The following ABCC4 variants were observed in gnomAD, a reference collection of about 807,000 sequenced individuals.
The protein encoded by ABCC4 is ATP binding cassette subfamily C member 4 (PEL blood group).
A neutral mutation model predicts 168.5 loss-of-function variants in ABCC4; 102 were observed. The ratio of observed to expected loss-of-function variants is 0.61; its 90% CI spans 0.52 to 0.71. The LOEUF is 0.71. Among genes scored for constraint, ABCC4 ranks in the 30% least tolerant of loss-of-function variants. The pLI, the probability that ABCC4 is intolerant of heterozygous loss-of-function variation, is 0.00. For missense variants in ABCC4, 1,402 were observed against 1,605.8 expected, an observed-to-expected ratio of 0.87 and a Z score of 2.17; for synonymous variants, 617 against 590.7, an observed-to-expected ratio of 1.04 and a Z score of -0.65.
intron 18 of ABCC4, among the ~76,000 whole-genome samples, 169 bp downstream of exon 18, chr13:95,162,953 T>C (rs893484501): frequency 6.6e-6 from 1 of 152,198 alleles, no homozygotes; most frequent in African/African-American, 2.4e-5. Context: ...ACCTCTCTTC[T>C]AGTAGATTTT....
At chr13:95,232,157 G>GGTGGTGGTGGT (rs1566551471) in intron 4 of ABCC4, among the ~76,000 whole-genome samples, 6 of 151,196 alleles carry the variant, frequency 4.0e-5, no homozygotes, top group African/African-American at 9.7e-5. Context: ...TGGTGGTGGT[G>GGTGGTGGTGGT]ATGATGATGA....
At chr13:95,041,692 AC>A (rs202186220) in intron 29 of ABCC4, among the ~76,000 whole-genome samples, 2 of 152,056 alleles carry the variant, frequency 1.3e-5, no homozygotes. Flanking sequence ...AAACAAACAA[AC>A]AAAAAAAACA....
At chr13:95,083,442 T>C in intron 20 of ABCC4, 152 bp from the exon 21 acceptor site, 1 of 862,452 alleles carries the variant, frequency 1.2e-6, no homozygotes, top group African/African-American at 1.7e-5. Flanking sequence ...AACAAAAGTA[T>C]AGGTGGTCCT....
intron 1 of ABCC4, among the ~76,000 whole-genome samples, chr13:95,296,135 AACACACAC>A (rs753316849): frequency 0.012 from 1,148 of 98,942 alleles, 24 homozygotes; most frequent in African/African-American, 0.04. Flanking sequence ...CCTGTCTCAA[AACACACAC>A]ACACACACAC....
chr13:95,194,730 TAAGC>T lies in ABCC4; in HGVS notation c.1263+102_1263+105del, dbSNP rs553566069. On this transcript the variant is annotated intron_variant, in intron 9 of 30. Coordinates refer to ENST00000645237, the MANE Select transcript of ABCC4 (RefSeq NM_005845.5). ...ATCTTTGTAACATAGTTTCAGTAAA[TAAGC>T]AAGCCATATTTTATACCATGTGTAA... 384 of 814,630 alleles carry T rather than the reference TAAGC, an allele frequency of 4.7e-4. 1 individual carries two copies. In the African/African-American group the frequency reaches 6.3e-3, roughly 13 times the overall value. The allele number at this position is 814,630 out of a possible 1,614,324, so 50.5% of individuals were successfully genotyped here.
At chr13:95,026,447 A>G (rs9524766) in intron 30 of ABCC4, among the ~76,000 whole-genome samples, 17,276 of 152,220 alleles carry the variant, frequency 0.11, 1,144 homozygotes, top group Admixed American at 0.17. Flanking sequence ...TACATGATAG[A>G]TATTTGTAAA....
chr13:95,232,367 G>C (rs897857835), intron 4 of ABCC4, among the ~76,000 whole-genome samples: 2 of 152,114 alleles, frequency 1.3e-5, no homozygotes, highest in African/African-American at 4.8e-5. Context: ...GTGACAACGA[G>C]GTCAAAGAAG....
At chr13:95,162,133 C>T (rs145985928) in intron 18 of ABCC4, among the ~76,000 whole-genome samples, 1 of 152,266 alleles carries the variant, frequency 6.6e-6, no homozygotes, top group Non-Finnish European at 1.5e-5. Flanking sequence ...GAAAGCAGCT[C>T]AAATTCCTAA....
intron 8 of ABCC4, among the ~76,000 whole-genome samples, chr13:95,196,346 A>C (rs1208830701): frequency 2.6e-5 from 4 of 152,110 alleles, no homozygotes; most frequent in African/African-American, 9.7e-5. Flanking sequence ...ACATGACTTT[A>C]AGTTCAGCCC....
chr13:95,278,008 G>T (rs1473342282), intron 1 of ABCC4, among the ~76,000 whole-genome samples: 1 of 152,134 alleles, frequency 6.6e-6, no homozygotes, highest in African/African-American at 2.4e-5. Context: ...CCACCAAGGG[G>T]ACTTGCCCCA....
intron 30 of ABCC4, among the ~76,000 whole-genome samples, chr13:95,028,381 T>C (rs1039758072): frequency 7.2e-5 from 11 of 151,970 alleles, no homozygotes; most frequent in African/African-American, 1.2e-4. Context: ...CAAAGAAAAT[T>C]CCAAATGGAT....
chr13:95,269,134 C>T (rs2027445), intron 1 of ABCC4, among the ~76,000 whole-genome samples: 57,528 of 152,026 alleles, frequency 0.38, 12,820 homozygotes, highest in African/African-American at 0.63. Flanking sequence ...AAGTGTAGCA[C>T]TTTCCTGAGT....
chr13:95,030,209 C>T (rs1249864108), intron 30 of ABCC4, among the ~76,000 whole-genome samples: 2 of 152,014 alleles, frequency 1.3e-5, no homozygotes, highest in Non-Finnish European at 2.9e-5. Flanking sequence ...TTAGTAGAGA[C>T]AGGGTTTCAC....
chr13:95,243,516 T>C (rs979521929), intron 3 of ABCC4, among the ~76,000 whole-genome samples: 6 of 152,256 alleles, frequency 3.9e-5, no homozygotes, highest in East Asian at 1.9e-4. Flanking sequence ...AGCGTGGATG[T>C]TGATGAACTT....
intron 13 of ABCC4, among the ~76,000 whole-genome samples, chr13:95,171,970 T>A (rs1274481201): frequency 1.3e-5 from 2 of 152,144 alleles, no homozygotes; most frequent in African/African-American, 4.8e-5. Flanking sequence ...TTGGCTGCCA[T>A]TAGTCCTTTT....
At chr13:95,219,599 G>A (rs921168240) in intron 4 of ABCC4, among the ~76,000 whole-genome samples, 1 of 152,010 alleles carries the variant, frequency 6.6e-6, no homozygotes, top group African/African-American at 2.4e-5. Context: ...TTCCACCTCT[G>A]GGGTCCAAGC....
intron 1 of ABCC4, among the ~76,000 whole-genome samples, chr13:95,259,949 G>A (rs977533893): frequency 8.6e-5 from 13 of 151,904 alleles, no homozygotes; most frequent in South Asian, 6.2e-4. Flanking sequence ...CCCAGCTCAC[G>A]AGACTCATCT....
chr13:95,285,641 G>A (rs144957378), intron 1 of ABCC4, among the ~76,000 whole-genome samples: 2,109 of 152,240 alleles, frequency 0.014, 21 homozygotes, highest in Middle Eastern at 0.024. Context: ...TTTAGCAGCC[G>A]AGCTGAGAGG....
chr13:95,161,475 T>C (rs138122090), intron 18 of ABCC4, 140 bp from the exon 19 acceptor site: 3 of 572,548 alleles, frequency 5.2e-6, no homozygotes, highest in Non-Finnish European at 8.2e-6. Flanking sequence ...AAGTATAATG[T>C]ATTTACAAAA....
Sources: gnomAD v4.1 joint callset for allele counts (sites outside exome capture counted in the v4.1 genomes callset) on GRCh38, gnomAD v4.1.1 for gene constraint, MANE v1.5 for transcripts, NCBI Gene and HGNC (gene_info 2026-07-23, HGNC 2026-07-21) for gene names.